The following EYS variants were observed in gnomAD, a reference collection of about 807,000 sequenced individuals.
EYS encodes protein eyes shut homolog.
EYS carries 250 observed loss-of-function variants against 282.1 expected under a neutral mutation model. The observed-to-expected ratio is 0.89, with a 90% CI of 0.80 to 0.98. The LOEUF (loss-of-function observed/expected upper bound fraction) is 0.98, where lower values mean the gene tolerates loss of function less well. EYS is among the 50% of genes least tolerant of loss of function. The pLI is 0.00. For synonymous variants in EYS, 1,355 were observed against 1,282.9 expected, an observed-to-expected ratio of 1.06 and a Z score of -1.20; for missense variants, 4,016 against 3,709.0, an observed-to-expected ratio of 1.08 and a Z score of -2.15.
chr6:63,841,031 T>A (rs1233189518), intron 36 of EYS, among the ~76,000 whole-genome samples: 2 of 152,166 alleles, frequency 1.3e-5, no homozygotes, highest in African/African-American at 2.4e-5. Flanking sequence ...AACAGATAAT[T>A]TCTAGTACTA....
intron 33 of EYS, among the ~76,000 whole-genome samples, chr6:64,013,523 C>T (rs1768745963): frequency 6.6e-6 from 1 of 152,202 alleles, no homozygotes; most frequent in Admixed American, 6.5e-5. Flanking sequence ...AGGAGCCTGG[C>T]ACTAGCTCGT....
chr6:65,625,273 A>T (rs1414998843), intron 2 of EYS, among the ~76,000 whole-genome samples: 1 of 152,194 alleles, frequency 6.6e-6, no homozygotes, highest in African/African-American at 2.4e-5. Context: ...CAACATTTCG[A>T]CTTCTTCCTG....
intron 11 of EYS, among the ~76,000 whole-genome samples, chr6:65,322,003 C>A (rs755822794): frequency 6.6e-6 from 1 of 152,166 alleles, no homozygotes; most frequent in African/African-American, 2.4e-5. Flanking sequence ...TCCCTCACAG[C>A]TTCCTCGTAC....
intron 19 of EYS, among the ~76,000 whole-genome samples, chr6:64,824,207 A>G (rs1244114957): frequency 2.0e-5 from 3 of 151,916 alleles, no homozygotes; most frequent in African/African-American, 7.2e-5. Context: ...TATGACATAA[A>G]ATACAGGTGG....
intron 9 of EYS, among the ~76,000 whole-genome samples, chr6:65,345,990 C>A (rs924827098): frequency 6.6e-5 from 10 of 151,804 alleles, no homozygotes; most frequent in African/African-American, 2.4e-4. Context: ...CACTGAGAGT[C>A]TCTCTCCCAA....
chr6:65,359,465 T>C (rs746399538), intron 8 of EYS, among the ~76,000 whole-genome samples: 4 of 152,018 alleles, frequency 2.6e-5, no homozygotes, highest in Admixed American at 1.3e-4. Context: ...GCTGATTTCT[T>C]ATTTCAGCAG....
At chr6:64,459,032 ATT>A (rs1775657313) in intron 26 of EYS, among the ~76,000 whole-genome samples, 3 of 152,208 alleles carry the variant, frequency 2.0e-5, no homozygotes, top group Non-Finnish European at 2.9e-5. Flanking sequence ...AACAATTAGT[ATT>A]AGTGAATGTA....
At chr6:64,379,943 A>G (rs112232841) in intron 29 of EYS, among the ~76,000 whole-genome samples, 36 of 152,240 alleles carry the variant, frequency 2.4e-4, no homozygotes, top group African/African-American at 7.5e-4. Flanking sequence ...ATGGTTAACA[A>G]TGTCACAAAA....
intron 18 of EYS, among the ~76,000 whole-genome samples, chr6:64,899,665 AC>A (rs201913138): frequency 0.012 from 1,829 of 152,278 alleles, 58 homozygotes; most frequent in African/African-American, 0.042. Flanking sequence ...TAGGAATACA[AC>A]TTACAAGTGA....
At chr6:63,963,841 C>A (rs1478905704) in intron 35 of EYS, among the ~76,000 whole-genome samples, 1 of 152,170 alleles carries the variant, frequency 6.6e-6, no homozygotes, top group African/African-American at 2.4e-5. Context: ...GTATTCATTT[C>A]TCACATTGAG....
At chr6:64,195,681 TTGTG>T (rs1225909152) in intron 31 of EYS, among the ~76,000 whole-genome samples, 1 of 152,214 alleles carries the variant, frequency 6.6e-6, no homozygotes, top group African/African-American at 2.4e-5. Context: ...ATGTGTATGT[TTGTG>T]TGTATGTATA....
At chr6:64,390,422 G>A (rs1773078470) in intron 28 of EYS, among the ~76,000 whole-genome samples, 1 of 152,070 alleles carries the variant, frequency 6.6e-6, no homozygotes, top group Non-Finnish European at 1.5e-5. Context: ...CGCAGCTGGA[G>A]ATCTCAGAAC....
chr6:64,480,419 G>T lies in EYS; in HGVS notation c.5645-41067C>A, dbSNP rs187968682. The stretch of plus-strand genomic sequence containing the variant: ...AAACAATTTAATTGTGGATATTCTT[G>T]TAAACTTTAAAATATATTTTCCCCA... On this transcript the variant is annotated intron_variant, in intron 26 of 42. Transcript: ENST00000503581. 2.9e-4 allele frequency among the ~76,000 whole-genome samples: 44 copies of T among 151,876 alleles called. No individual in the cohort carries two copies. In the East Asian group the frequency reaches 7.9e-3, roughly 27 times the overall value.
chr6:64,955,855 A>G (rs977954132), intron 14 of EYS, among the ~76,000 whole-genome samples: 1 of 152,000 alleles, frequency 6.6e-6, no homozygotes, highest in Admixed American at 6.6e-5. Flanking sequence ...ATTTCTGGCA[A>G]CTCGCTTTGG....
At chr6:64,532,123 T>C (rs1764361837) in intron 26 of EYS, among the ~76,000 whole-genome samples, 1 of 152,198 alleles carries the variant, frequency 6.6e-6, no homozygotes, top group African/African-American at 2.4e-5. Context: ...CTGGCAGGAC[T>C]AGACAGCAAT....
At chr6:64,073,301 A>G (rs1193899539) in intron 32 of EYS, among the ~76,000 whole-genome samples, 1 of 151,842 alleles carries the variant, frequency 6.6e-6, no homozygotes, top group African/African-American at 2.4e-5. Context: ...GTGGGAAAGT[A>G]GAGGATCTGA....
chr6:65,089,687 A>G (rs1258303589), intron 12 of EYS, among the ~76,000 whole-genome samples: 1 of 152,094 alleles, frequency 6.6e-6, no homozygotes, highest in Non-Finnish European at 1.5e-5. Context: ...ATAGTGGCTC[A>G]TGCCTGTAAT....
intron 22 of EYS, among the ~76,000 whole-genome samples, chr6:64,747,469 G>T (rs961790010): frequency 6.6e-6 from 1 of 152,028 alleles, no homozygotes; most frequent in African/African-American, 2.4e-5. Flanking sequence ...CCGCCTCCCC[G>T]GTCCTGGTTC....
intron 19 of EYS, 117 bp downstream of exon 19, chr6:64,886,580 C>A: frequency 3.0e-6 from 2 of 659,678 alleles, no homozygotes; most frequent in South Asian, 4.4e-5. Context: ...TATCTCTTGA[C>A]ATTTTTGCCC....
Sources: allele counts gnomAD v4.1 joint callset (sites outside exome capture counted in the v4.1 genomes callset), GRCh38; gene constraint gnomAD v4.1.1; transcripts MANE v1.5; gene names NCBI Gene and HGNC (gene_info 2026-07-23, HGNC 2026-07-21).